Variants in TTC7A observed in about 807,000 individuals in gnomAD.
TTC7A encodes tetratricopeptide repeat domain 7A.
A neutral mutation model predicts 103.7 loss-of-function variants in TTC7A; 110 were observed. That is an observed-to-expected ratio of 1.06 (90% CI 0.91 to 1.24). TTC7A has a LOEUF of 1.24. Among genes scored for constraint, TTC7A ranks in the 50% most tolerant of loss-of-function variants. TTC7A has a pLI of 0.00. For missense variants in TTC7A, 1,340 were observed against 1,116.3 expected, an observed-to-expected ratio of 1.20 and a Z score of -2.86; for synonymous variants, 521 against 467.9, an observed-to-expected ratio of 1.11 and a Z score of -1.47.
chr2:47,032,218 C>T (rs992093256), intron 15 of TTC7A, among the ~76,000 whole-genome samples: 1 of 152,240 alleles, frequency 6.6e-6, no homozygotes, highest in African/African-American at 2.4e-5. Flanking sequence ...TGGACCTGAA[C>T]TATGACATTT....
intron 8 of TTC7A, among the ~76,000 whole-genome samples, chr2:46,996,657 G>C (rs1202866988): frequency 6.6e-6 from 1 of 152,210 alleles, no homozygotes; most frequent in Non-Finnish European, 1.5e-5. Context: ...GCTGGCCAGG[G>C]TGTTGCCCTA....
At chr2:47,041,748 C>G (rs555044217) in intron 15 of TTC7A, among the ~76,000 whole-genome samples, 6 of 145,636 alleles carry the variant, frequency 4.1e-5, no homozygotes, top group Non-Finnish European at 9.0e-5. Flanking sequence ...AGCAAAACTC[C>G]GTCTCAAAAA....
At chr2:46,973,858 G>A (rs1276195619) in intron 3 of TTC7A, among the ~76,000 whole-genome samples, 1 of 152,192 alleles carries the variant, frequency 6.6e-6, no homozygotes, top group African/African-American at 2.4e-5. Context: ...CTTTATACCA[G>A]TGAAGCATTG....
chr2:47,070,907 G>A (rs560905699), intron 19 of TTC7A, among the ~76,000 whole-genome samples: 55 of 152,256 alleles, frequency 3.6e-4, no homozygotes, highest in African/African-American at 1.2e-3. Flanking sequence ...CCCAAGGGAC[G>A]GTCAAAAACT....
chr2:47,006,906 G>A (rs939821133), intron 10 of TTC7A, among the ~76,000 whole-genome samples, 182 bp downstream of exon 10: 3 of 152,178 alleles, frequency 2.0e-5, no homozygotes, highest in African/African-American at 4.8e-5. Context: ...TCCTGTCCAC[G>A]TGCGAGCTGT....
At chr2:47,034,765 G>C (rs943251730) in intron 15 of TTC7A, among the ~76,000 whole-genome samples, 1 of 152,164 alleles carries the variant, frequency 6.6e-6, no homozygotes, top group African/African-American at 2.4e-5. Flanking sequence ...AACCTCCGTC[G>C]GTCAGGGTAG....
chr2:47,055,771 G>T (rs1683262755), intron 18 of TTC7A, among the ~76,000 whole-genome samples: 1 of 152,170 alleles, frequency 6.6e-6, no homozygotes, highest in South Asian at 2.1e-4. Context: ...CGGTGCTCTG[G>T]CCCGCAGTTG....
intron 6 of TTC7A, 57 bp from the exon 7 acceptor site, chr2:46,994,300 C>T (rs1675924158): frequency 6.4e-7 from 1 of 1,562,222 alleles, no homozygotes; most frequent in Non-Finnish European, 8.7e-7. Context: ...CGTTCTAGGT[C>T]ATGCTGGGGT....
chr2:46,994,517 A>G lies in TTC7A; in HGVS notation c.1001+3A>G, dbSNP rs1312976035. 22 of 1,613,520 alleles carry G rather than the reference A, an allele frequency of 1.4e-5. No individual in the cohort carries two copies. Among genetic ancestry groups the G allele is most frequent in the Non-Finnish European group, 1.5e-5 (18 of 1,179,748 alleles). On this transcript the variant is annotated splice_donor_region_variant and intron_variant, in intron 7 of 19. Transcript: ENST00000319190. ...CCTCACCTCTATGAAGGAGACAAGTAAGTTCTGCCTGCCCTGCTGCACCTT... is the reference window on the plus strand; with the variant it reads ...CCTCACCTCTATGAAGGAGACAAGTGAGTTCTGCCTGCCCTGCTGCACCTT...
chr2:47,060,263 A>C (rs1573065064), intron 18 of TTC7A, among the ~76,000 whole-genome samples: 1 of 152,160 alleles, frequency 6.6e-6, no homozygotes, highest in South Asian at 2.1e-4. Context: ...CCAGCTACTC[A>C]GGAGGCTGAG....
chr2:46,942,350 G>T (rs1416716311), intron 1 of TTC7A, among the ~76,000 whole-genome samples: 1 of 152,158 alleles, frequency 6.6e-6, no homozygotes, highest in Non-Finnish European at 1.5e-5. Context: ...GTGGCAGCGG[G>T]GAACACCCCG....
At chr2:46,955,539 C>A (rs1456075681) in intron 2 of TTC7A, among the ~76,000 whole-genome samples, 1 of 152,100 alleles carries the variant, frequency 6.6e-6, no homozygotes, top group African/African-American at 2.4e-5. Context: ...CTGAGCAAGG[C>A]CCCAAAGGAT....
chr2:46,950,439 C>T lies in TTC7A; in HGVS notation c.261C>T (p.Asp87=). ...AGGAGAACCATGCCAAAATAAAAGACTCCATGCCTTTGCTGGAGAAGAATG... is the reference window on the plus strand; with the variant it reads ...AGGAGAACCATGCCAAAATAAAAGATTCCATGCCTTTGCTGGAGAAGAATG... ...CLKENHAKIK[D]SMPLLEKNEP... Residue 87 remains aspartate, a synonymous_variant, in exon 2 of 20, where the codon GAC becomes GAT. Coordinates refer to ENST00000319190, the MANE Select transcript of TTC7A (RefSeq NM_020458.4). 1 of 1,614,172 alleles carries T rather than the reference C, an allele frequency of 6.2e-7. No individual in the cohort carries two copies. The highest frequency in any genetic ancestry group is 1.1e-5 in the South Asian group (1 of 91,086).
chr2:47,066,816 A>G (rs1351153235), intron 19 of TTC7A, among the ~76,000 whole-genome samples: 1 of 152,222 alleles, frequency 6.6e-6, no homozygotes, highest in African/African-American at 2.4e-5. Flanking sequence ...TCAGCCTCCA[A>G]AAGTGCTGGG....
At chr2:47,011,990 T>C (rs1179465881) in intron 11 of TTC7A, among the ~76,000 whole-genome samples, 1 of 152,240 alleles carries the variant, frequency 6.6e-6, no homozygotes, top group Non-Finnish European at 1.5e-5. Flanking sequence ...GCTCCAGGTC[T>C]GCTCTTTCCC....
At chr2:47,071,510 T>C (rs1000892593) in intron 19 of TTC7A, among the ~76,000 whole-genome samples, 1 of 152,196 alleles carries the variant, frequency 6.6e-6, no homozygotes, top group South Asian at 2.1e-4. Flanking sequence ...AAGTTGATCA[T>C]TGCAGAATCC....
At position 46,973,922 on chromosome 2, in the gene TTC7A, A is replaced by T. The variant is rs547397428; in HGVS notation, c.518-1051A>T. On this transcript the variant is annotated intron_variant, in intron 3 of 19. Coordinates refer to ENST00000319190, the MANE Select transcript of TTC7A (RefSeq NM_020458.4). Reference sequence around the variant, plus strand: ...AAAGGGAGGTTTCCCCAAAACAAGAACGTTTTGGCAGCTGCTGAGAAATCC... The same window carrying T: ...AAAGGGAGGTTTCCCCAAAACAAGATCGTTTTGGCAGCTGCTGAGAAATCC... Among the ~76,000 whole-genome samples the T allele has an allele frequency of 2.0e-3, 303 of 152,166 alleles. 2 individuals carry two copies. The highest frequency in any genetic ancestry group is 1.6e-3 in the Non-Finnish European group (106 of 67,978).
intron 3 of TTC7A, among the ~76,000 whole-genome samples, chr2:46,962,528 C>G (rs569051766): frequency 6.6e-6 from 1 of 152,204 alleles, no homozygotes; most frequent in Admixed American, 6.5e-5. Context: ...AGGGTCACTT[C>G]CTTTGAGGGA....
At chr2:47,067,517 G>A (rs1485687163) in intron 19 of TTC7A, among the ~76,000 whole-genome samples, 4 of 152,198 alleles carry the variant, frequency 2.6e-5, no homozygotes, top group Non-Finnish European at 5.9e-5. Flanking sequence ...GGACCTCCAA[G>A]ATGCCTTCGA....
Sources: gnomAD v4.1 joint callset for allele counts (sites outside exome capture counted in the v4.1 genomes callset) on GRCh38, gnomAD v4.1.1 for gene constraint, MANE v1.5 for transcripts, NCBI Gene and HGNC (gene_info 2026-07-23, HGNC 2026-07-21) for gene names.